HNRNPUL1: variants seen among roughly 807,000 people sequenced by gnomAD.
The protein encoded by HNRNPUL1 is heterogeneous nuclear ribonucleoprotein U-like protein 1.
In HNRNPUL1, 14 loss-of-function variants were observed where a neutral mutation model predicts 108.5. The observed-to-expected ratio is 0.13, with a 90% confidence interval of 0.09 to 0.20. The LOEUF (loss-of-function observed/expected upper bound fraction) is 0.20. HNRNPUL1 is among the 10% of genes least tolerant of loss of function. HNRNPUL1 has a pLI of 1.00. For missense variants in HNRNPUL1, 804 were observed against 1,168.3 expected (o/e 0.69, Z 4.55); for synonymous variants, 422 against 445.2 (o/e 0.95, Z 0.66).
intron 10 of HNRNPUL1, among the ~76,000 whole-genome samples, chr19:41,300,902 T>C (rs561840719): frequency 5.8e-4 from 88 of 152,264 alleles, no homozygotes; most frequent in African/African-American, 2.1e-3. Flanking sequence ...AAAGAACCAA[T>C]GTTAATAAGA....
At chr19:41,266,373 C>G (rs1401276276) in intron 1 of HNRNPUL1, among the ~76,000 whole-genome samples, 1 of 152,038 alleles carries the variant, frequency 6.6e-6, no homozygotes, top group African/African-American at 2.4e-5. Flanking sequence ...GGGGAGGTTG[C>G]AGTCAGCCGA....
At chr19:41,276,453 T>C in intron 5 of HNRNPUL1, 155 bp downstream of exon 5, 1 of 695,844 alleles carries the variant, frequency 1.4e-6, no homozygotes, top group Non-Finnish European at 2.3e-6. Context: ...TCAAGACAAC[T>C]ACATCATTGC....
intron 10 of HNRNPUL1, among the ~76,000 whole-genome samples, chr19:41,300,762 C>T (rs553726703): frequency 3.3e-5 from 5 of 152,198 alleles, no homozygotes; most frequent in Non-Finnish European, 7.3e-5. Flanking sequence ...CCTGCCATCA[C>T]TTAGAGGAAG....
chr19:41,303,350 ATT>A (rs34393408), intron 12 of HNRNPUL1, among the ~76,000 whole-genome samples: 28 of 119,072 alleles, frequency 2.4e-4, no homozygotes, highest in South Asian at 2.7e-4. Context: ...GCTTCCTCTC[ATT>A]TTTTTTTTTT....
At chr19:41,299,816 C>T (rs1053372780) in intron 10 of HNRNPUL1, among the ~76,000 whole-genome samples, 1 of 152,004 alleles carries the variant, frequency 6.6e-6, no homozygotes, top group African/African-American at 2.4e-5. Context: ...TCACTATAAG[C>T]TTAACCTTTT....
intron 3 of HNRNPUL1, chr19:41,272,508 G>A (rs978861960): frequency 2.0e-5 from 7 of 354,968 alleles, no homozygotes. Flanking sequence ...TCTGTCCTTT[G>A]CCTTACTGCC....
In HNRNPUL1 at chr19:41,265,171, C is replaced by G; in HGVS notation, c.295+373C>G. The G allele has an allele frequency of 9.7e-6, 14 of 1,450,188 alleles. No individual in the cohort carries two copies. The South Asian group carries it at 1.9e-4, about 20-fold the overall frequency. 89.8% of individuals were successfully genotyped at this position (1,450,188 alleles called of 1,614,324 possible). On this transcript the variant is annotated intron_variant, in intron 1 of 14. Transcript: ENST00000392006. The stretch of plus-strand genomic sequence containing the variant: ...TCTCGAAAATGGGGATCCTAGGGTA[C>G]GGAGCTCCGTGGGCTTGGCGGTCGT...
At chr19:41,274,207 G>T (rs979867406) in intron 4 of HNRNPUL1, 152 bp downstream of exon 4, 1 of 672,242 alleles carries the variant, frequency 1.5e-6, no homozygotes, top group East Asian at 2.7e-5. Flanking sequence ...AAGAGTACTG[G>T]TTTGGAGGCA....
intron 2 of HNRNPUL1, among the ~76,000 whole-genome samples, chr19:41,268,622 G>C (rs2035009423): frequency 6.6e-6 from 1 of 152,116 alleles, no homozygotes; most frequent in South Asian, 2.1e-4. Flanking sequence ...ACTTTGGGAG[G>C]CCGAGGCAGG....
chr19:41,302,596 A>C, intron 11 of HNRNPUL1, 69 bp from the exon 12 acceptor site: 1 of 1,582,480 alleles, frequency 6.3e-7, no homozygotes, highest in Non-Finnish European at 8.7e-7. Flanking sequence ...TTCTGGGTGG[A>C]GGGGACCAGA....
In HNRNPUL1 at chr19:41,294,543, A is replaced by G; in HGVS notation, c.1390-15A>G. The G allele has an allele frequency of 6.2e-7, 1 of 1,613,890 alleles. No homozygotes were observed. Among genetic ancestry groups the G allele is most frequent in the East Asian group, 2.2e-5 (1 of 44,878 alleles). ...CAACTAAAATCACTCACCCCTCACCAATTCCTGCCCGCAGGTGATGGGCCT... is the reference window on the plus strand; with the variant it reads ...CAACTAAAATCACTCACCCCTCACCGATTCCTGCCCGCAGGTGATGGGCCT... On this transcript the variant is annotated splice_polypyrimidine_tract_variant and intron_variant, in intron 9 of 14. Coordinates refer to ENST00000392006, the MANE Select transcript of HNRNPUL1 (RefSeq NM_007040.6). The surrounding 1 kb of genome is among the most constrained non-coding windows in gnomAD (Gnocchi z 4.3).
chr19:41,270,844 C>T (rs1201950827), intron 2 of HNRNPUL1, among the ~76,000 whole-genome samples: 3 of 152,106 alleles, frequency 2.0e-5, no homozygotes, highest in Admixed American at 6.6e-5. Context: ...ATCTGCCTGC[C>T]TCGGCCTCCC....
Position 41,279,176 on chromosome 19 carries a change from G to A in HNRNPUL1, c.886G>A (p.Gly296Ser), listed in dbSNP as rs772949221. 1.2e-6 allele frequency: 2 copies of A among 1,602,830 alleles called. No individual in the cohort carries two copies. Among genetic ancestry groups the A allele is most frequent in the Admixed American group, 3.3e-5 (2 of 60,000 alleles). Residue 296 changes from glycine (G) to serine (S), a missense_variant and splice_region_variant, in exon 6 of 15, where the codon GGC becomes AGC. Transcript: ENST00000392006. ...CCTGGACTCCTGCAGCACCCAGCTAGGTAAGGAGGGGTCAGCTATGCAGTC... is the reference window on the plus strand; with the variant it reads ...CCTGGACTCCTGCAGCACCCAGCTAAGTAAGGAGGGGTCAGCTATGCAGTC... Reference protein sequence around the residue: ...WSLDSCSTQLGEEPFSYGYGG... With the variant: ...WSLDSCSTQLSEEPFSYGYGG...
At chr19:41,281,437 A>G (rs980205402) in intron 7 of HNRNPUL1, among the ~76,000 whole-genome samples, 162 bp downstream of exon 7, 35 of 151,844 alleles carry the variant, frequency 2.3e-4, no homozygotes, top group African/African-American at 8.2e-4. Context: ...ATTTTGTGGG[A>G]AATTCTGTCA....
Position 41,303,021 on chromosome 19 carries a change from A to C in HNRNPUL1, c.1972+72A>C, listed in dbSNP as rs2037327647. 4.8e-6 allele frequency: 7 copies of C among 1,457,210 alleles called. No individual in the cohort carries two copies. In the East Asian group the frequency reaches 9.2e-5, roughly 19 times the overall value. The allele number at this position is 1,457,210 out of a possible 1,614,324, so 90.3% of individuals were successfully genotyped here. A position where few individuals can be genotyped will look rare whatever the true frequency, so the allele number is the denominator to read the frequency against. ...GGGGCTGGGCTTTGACTGCTTATTCAATCAGCAACTGAAGTTTTCTGAGCT... is the reference window on the plus strand; with the variant it reads ...GGGGCTGGGCTTTGACTGCTTATTCCATCAGCAACTGAAGTTTTCTGAGCT... On this transcript the variant is annotated intron_variant, in intron 12 of 14. Transcript: ENST00000392006.
chr19:41,283,284 A>G (rs1039797660), intron 7 of HNRNPUL1, among the ~76,000 whole-genome samples: 4 of 151,982 alleles, frequency 2.6e-5, no homozygotes, highest in African/African-American at 9.7e-5. Context: ...AACTGTTTTT[A>G]TTTTATTTTT....
chr19:41,274,787 T>C (rs1365236391), intron 4 of HNRNPUL1, among the ~76,000 whole-genome samples: 1 of 152,188 alleles, frequency 6.6e-6, no homozygotes, highest in Non-Finnish European at 1.5e-5. Context: ...TACAGAAGCT[T>C]CTGTTTATAA....
rs2035863529 is a variant in HNRNPUL1 at position 41,280,922 on chromosome 19, C to A, written c.887-241C>A. 1.1e-5 allele frequency: 5 copies of A among 464,756 alleles called. No individual in the cohort carries two copies. The South Asian group carries it at 1.2e-4, about 11-fold the overall frequency. 28.8% of individuals were successfully genotyped at this position (464,756 alleles called of 1,614,324 possible). A position where few individuals can be genotyped will look rare whatever the true frequency, so the allele number is the denominator to read the frequency against. On this transcript the variant is annotated intron_variant, in intron 6 of 14. Coordinates refer to ENST00000392006, the MANE Select transcript of HNRNPUL1 (RefSeq NM_007040.6). ...TTCTTTTCAAATTCTCCCCTCTGTG[C>A]AGAGTTATTCAGTTGAGCTCCTACT...
chr19:41,273,943 C>A (rs781111226), intron 3 of HNRNPUL1, 39 bp from the exon 4 acceptor site: 2 of 1,480,260 alleles, frequency 1.4e-6, no homozygotes, highest in Non-Finnish European at 1.9e-6. Flanking sequence ...TGTGCTCATC[C>A]ATTGTTCTTG....
Sources: gnomAD v4.1 joint callset for allele counts (sites outside exome capture counted in the v4.1 genomes callset) on GRCh38, gnomAD v4.1.1 for gene constraint, Gnocchi (gnomAD v3.1) non-coding constraint, MANE v1.5 for transcripts, NCBI Gene and HGNC (gene_info 2026-07-23, HGNC 2026-07-21) for gene names.